CMIP: variants seen among roughly 807,000 people sequenced by gnomAD.
The protein encoded by CMIP is c-Maf inducing protein.
Under a neutral mutation model 97.3 loss-of-function variants are expected in CMIP, and 13 were observed. That is an observed-to-expected ratio of 0.13 (90% CI 0.09 to 0.21). The LOEUF is 0.21. Ranked by LOEUF, CMIP falls within the 10% of genes least tolerant of loss-of-function variation. The pLI, the probability that CMIP is intolerant of heterozygous loss-of-function variation, is 1.00. For missense variants in CMIP, 847 were observed against 1,024.9 expected, an observed-to-expected ratio of 0.83 and a Z score of 2.37; for synonymous variants, 538 against 436.3, an observed-to-expected ratio of 1.23 and a Z score of -2.91.
intron 3 of CMIP, among the ~76,000 whole-genome samples, chr16:81,649,651 G>C (rs2092404644): frequency 6.6e-6 from 1 of 152,210 alleles, no homozygotes; most frequent in Non-Finnish European, 1.5e-5. Flanking sequence ...TTTGCAATGA[G>C]CATGCATCAT....
Position 81,598,890 on chromosome 16 carries a change from A to T in CMIP, c.301-8677A>T, listed in dbSNP as rs537206749. On this transcript the variant is annotated intron_variant, in intron 1 of 20. Transcript: ENST00000537098. ...AGGCTGAGGCAGGAGAATCGCTTGA[A>T]GCCGGGAGGCGGGGGTTGCAGTGGG... Among the ~76,000 whole-genome samples the T allele has an allele frequency of 2.4e-4, 35 of 147,028 alleles. No homozygotes were observed. In the East Asian group the frequency reaches 7.0e-3, roughly 29 times the overall value.
At chr16:81,589,947 G>T (rs1174589628) in intron 1 of CMIP, among the ~76,000 whole-genome samples, 3 of 152,232 alleles carry the variant, frequency 2.0e-5, no homozygotes, top group African/African-American at 7.2e-5. Context: ...AGATCTCAGA[G>T]AAGACATTCT....
Position 81,641,435 on chromosome 16 carries a change from C to G in CMIP, c.478-10768C>G, listed in dbSNP as rs1397947760. Among the ~76,000 whole-genome samples, 7 of 152,152 alleles carry G rather than the reference C, an allele frequency of 4.6e-5. No individual in the cohort carries two copies. The East Asian group carries it at 1.4e-3, about 29-fold the overall frequency. ...TACATACAATTTTTTTTTTAATGTG[C>G]TCAAACAGCATCTGCGTGATGATTG... On this transcript the variant is annotated intron_variant, in intron 3 of 20. Coordinates refer to ENST00000537098, the MANE Select transcript of CMIP (RefSeq NM_198390.3).
At chr16:81,445,974 A>C (rs1364129135) in intron 1 of CMIP, among the ~76,000 whole-genome samples, 1 of 151,736 alleles carries the variant, frequency 6.6e-6, no homozygotes, top group Non-Finnish European at 1.5e-5. Context: ...TAAAAAAAAA[A>C]ACAAACAACA....
At chr16:81,543,257 C>T (rs1458746358) in intron 1 of CMIP, among the ~76,000 whole-genome samples, 2 of 152,232 alleles carry the variant, frequency 1.3e-5, no homozygotes, top group African/African-American at 2.4e-5. Context: ...CACCTGTGGG[C>T]CAGCTTCCTG....
At chr16:81,702,529 C>T (rs920904969) in intron 16 of CMIP, 93 bp from the exon 17 acceptor site, 29 of 1,281,106 alleles carry the variant, frequency 2.3e-5, no homozygotes, top group African/African-American at 1.2e-4. Context: ...AAGAAAATAA[C>T]GATGGCTCCA....
intron 3 of CMIP, among the ~76,000 whole-genome samples, chr16:81,628,778 T>G (rs1332350695): frequency 1.3e-5 from 2 of 152,160 alleles, no homozygotes; most frequent in African/African-American, 4.8e-5. Flanking sequence ...GCCTGGGTGT[T>G]GCTGGTGCCT....
chr16:81,650,782 G>A (rs2092419113), intron 3 of CMIP, among the ~76,000 whole-genome samples: 2 of 152,198 alleles, frequency 1.3e-5, no homozygotes, highest in African/African-American at 4.8e-5. Flanking sequence ...CAGATTGAAA[G>A]AGGTGCCGGT....
intron 1 of CMIP, among the ~76,000 whole-genome samples, chr16:81,596,833 C>A (rs2091565555): frequency 6.6e-6 from 1 of 152,206 alleles, no homozygotes; most frequent in Non-Finnish European, 1.5e-5. Context: ...AACCAGTACC[C>A]TGACTTCCCA....
At chr16:81,664,058 A>G (rs2092576900) in intron 6 of CMIP, among the ~76,000 whole-genome samples, 1 of 152,096 alleles carries the variant, frequency 6.6e-6, no homozygotes, top group South Asian at 2.1e-4. Context: ...GGTATCTGGG[A>G]AAGGTCTCTA....
At chr16:81,595,387 CTTTTTTT>C (rs747169672) in intron 1 of CMIP, among the ~76,000 whole-genome samples, 1 of 137,678 alleles carries the variant, frequency 7.3e-6, no homozygotes, top group Non-Finnish European at 1.6e-5. Context: ...TTCCTTCTTT[CTTTTTTT>C]TTTTTTTTTT....
chr16:81,707,569 C>T (rs1024862287), intron 20 of CMIP, among the ~76,000 whole-genome samples: 1 of 152,148 alleles, frequency 6.6e-6, no homozygotes, highest in Non-Finnish European at 1.5e-5. Context: ...TGAGAGGGAG[C>T]AGGAGTAGAA....
intron 1 of CMIP, among the ~76,000 whole-genome samples, chr16:81,503,392 C>A (rs952868857): frequency 6.6e-6 from 1 of 152,054 alleles, no homozygotes; most frequent in Non-Finnish European, 1.5e-5. Context: ...TACCTCTGAT[C>A]CCTTTATTTT....
In CMIP at chr16:81,574,721, C is replaced by T. The variant is rs1410102458; in HGVS notation, c.301-32846C>T. Reference sequence around the variant, plus strand: ...GGATGCTGGGCTGGTGCTGGGGATACAGTGGTGGCCTCTGTGGACAGGTCA... The same window carrying T: ...GGATGCTGGGCTGGTGCTGGGGATATAGTGGTGGCCTCTGTGGACAGGTCA... On this transcript the variant is annotated intron_variant, in intron 1 of 20. Transcript: ENST00000537098. 2.6e-5 allele frequency among the ~76,000 whole-genome samples: 4 copies of T among 152,256 alleles called. No individual in the cohort carries two copies. In the East Asian group the frequency reaches 7.7e-4, roughly 29 times the overall value.
chr16:81,596,054 C>A (rs1555534958), intron 1 of CMIP, among the ~76,000 whole-genome samples: 1 of 152,008 alleles, frequency 6.6e-6, no homozygotes. Flanking sequence ...TGTCTACGTT[C>A]TTTTATTTAT....
intron 13 of CMIP, 79 bp from the exon 14 acceptor site, chr16:81,696,481 A>G (rs961675008): frequency 2.1e-6 from 3 of 1,395,754 alleles, no homozygotes; most frequent in African/African-American, 1.4e-5. Flanking sequence ...AGCCTTTCCC[A>G]TTCATGTGTG....
At chr16:81,563,545 A>C (rs2090925108) in intron 1 of CMIP, among the ~76,000 whole-genome samples, 1 of 152,204 alleles carries the variant, frequency 6.6e-6, no homozygotes, top group Non-Finnish European at 1.5e-5. Flanking sequence ...TATAGTCTGC[A>C]TGTTTACAAA....
At chr16:81,532,956 C>T (rs2090268618) in intron 1 of CMIP, among the ~76,000 whole-genome samples, 1 of 152,134 alleles carries the variant, frequency 6.6e-6, no homozygotes, top group African/African-American at 2.4e-5. Flanking sequence ...AGGCCTTTGC[C>T]CTGACTGCTT....
intron 10 of CMIP, among the ~76,000 whole-genome samples, chr16:81,688,660 C>T (rs1597252436): frequency 1.3e-5 from 2 of 152,080 alleles, no homozygotes; most frequent in South Asian, 4.1e-4. Context: ...AGCATCAACT[C>T]TGTTTTTTTT....
Sources: gnomAD v4.1 joint callset for allele counts (sites outside exome capture counted in the v4.1 genomes callset) on GRCh38, gnomAD v4.1.1 for gene constraint, MANE v1.5 for transcripts, NCBI Gene and HGNC (gene_info 2026-07-23, HGNC 2026-07-21) for gene names.